The following RIMS1 variants were observed in gnomAD, a reference collection of about 807,000 sequenced individuals.
RIMS1 encodes the protein regulating synaptic membrane exocytosis protein 1.
A neutral mutation model predicts 214.1 loss-of-function variants in RIMS1; 83 were observed. That is an observed-to-expected ratio of 0.39 (90% confidence interval 0.32 to 0.47). RIMS1 has a LOEUF of 0.47. RIMS1 is among the 20% of genes least tolerant of loss of function. RIMS1 has a pLI of 0.99. For missense variants in RIMS1, 2,050 were observed against 2,161.8 expected (o/e 0.95, Z 1.03); for synonymous variants, 793 against 786.8 (o/e 1.01, Z -0.13).
At chr6:72,321,135 TTTCCTTATAATTA>T (rs2096136286) in intron 28 of RIMS1, among the ~76,000 whole-genome samples, 1 of 152,110 alleles carries the variant, frequency 6.6e-6, no homozygotes, top group African/African-American at 2.4e-5. Flanking sequence ...ATATATGCTA[TTTCCTTATAATTA>T]GTGGAAATAT....
intron 19 of RIMS1, chr6:72,262,474 G>A (rs1336757699): frequency 9.1e-6 from 9 of 985,166 alleles, no homozygotes; most frequent in Non-Finnish European, 1.1e-5. Context: ...AGCTGAGCTA[G>A]CCAAATGTGT....
chr6:71,934,050 T>A (rs2150939144), intron 1 of RIMS1, among the ~76,000 whole-genome samples: 1 of 152,308 alleles, frequency 6.6e-6, no homozygotes, highest in African/African-American at 2.4e-5. Flanking sequence ...CAAGTTTCCA[T>A]GGCAGTACAG....
intron 4 of RIMS1, among the ~76,000 whole-genome samples, chr6:72,124,949 G>A (rs572742596): frequency 6.6e-6 from 1 of 152,262 alleles, no homozygotes; most frequent in African/African-American, 2.4e-5. Flanking sequence ...GAAGAAGTTT[G>A]TTATTGTCGA....
At chr6:72,218,739 G>C (rs1014465415) in intron 6 of RIMS1, among the ~76,000 whole-genome samples, 34 of 152,272 alleles carry the variant, frequency 2.2e-4, no homozygotes, top group African/African-American at 7.9e-4. Flanking sequence ...CATGTTCCCA[G>C]ATATATGTAC....
intron 9 of RIMS1, 38 bp from the exon 10 acceptor site, chr6:72,242,276 A>T: frequency 7.0e-7 from 1 of 1,435,250 alleles, no homozygotes; most frequent in South Asian, 1.3e-5. Flanking sequence ...TAAACAGAAT[A>T]TATAAGGTAA....
chr6:72,234,121 T>C (rs1172232197), intron 7 of RIMS1, among the ~76,000 whole-genome samples: 1 of 152,008 alleles, frequency 6.6e-6, no homozygotes, highest in Non-Finnish European at 1.5e-5. Flanking sequence ...ATCAGTTTTT[T>C]TATGTAAGCA....
intron 23 of RIMS1, among the ~76,000 whole-genome samples, chr6:72,278,675 A>C (rs985938250): frequency 6.6e-6 from 1 of 152,106 alleles, no homozygotes. Context: ...CTTTGAATGA[A>C]CAAAGTGTAT....
At chr6:72,352,137 A>G (rs1009080180) in intron 29 of RIMS1, among the ~76,000 whole-genome samples, 4 of 152,214 alleles carry the variant, frequency 2.6e-5, no homozygotes, top group Non-Finnish European at 5.9e-5. Flanking sequence ...CTGTACAACC[A>G]TGCCAGCTTC....
chr6:72,283,874 TTTTA>T (rs1206694224), intron 23 of RIMS1, among the ~76,000 whole-genome samples, 169 bp from the exon 24 acceptor site: 1 of 152,194 alleles, frequency 6.6e-6, no homozygotes, highest in African/African-American at 2.4e-5. Flanking sequence ...CTGGTTTTCA[TTTTA>T]TTCATTCATT....
At chr6:72,180,435 G>A (rs2496504) in intron 5 of RIMS1, among the ~76,000 whole-genome samples, 69,532 of 152,024 alleles carry the variant, frequency 0.46, 17,350 homozygotes, top group East Asian at 0.82. Flanking sequence ...CAACGTGAGG[G>A]CCTCCTAAAG....
chr6:72,310,294 A>G (rs1423107543), intron 27 of RIMS1, among the ~76,000 whole-genome samples: 1 of 152,108 alleles, frequency 6.6e-6, no homozygotes, highest in African/African-American at 2.4e-5. Flanking sequence ...GTCTTTTAGA[A>G]GACTAAATGA....
chr6:71,907,414 A>G (rs1775571606), intron 1 of RIMS1, among the ~76,000 whole-genome samples: 1 of 152,186 alleles, frequency 6.6e-6, no homozygotes, highest in Non-Finnish European at 1.5e-5. Context: ...CCCTTAATCA[A>G]TGGCATTCCT....
At chr6:72,036,410 A>G (rs1225188946) in intron 2 of RIMS1, among the ~76,000 whole-genome samples, 2 of 152,148 alleles carry the variant, frequency 1.3e-5, no homozygotes, top group African/African-American at 4.8e-5. Context: ...GCATCCCTGC[A>G]CTTATCTATT....
intron 31 of RIMS1, 53 bp from the exon 32 acceptor site, chr6:72,398,196 C>T: frequency 1.8e-6 from 2 of 1,133,796 alleles, no homozygotes; most frequent in Non-Finnish European, 2.6e-6. Context: ...TTTGTTTTAA[C>T]TGCACATAAC....
chr6:71,998,191 G>C (rs952143511), intron 2 of RIMS1, among the ~76,000 whole-genome samples: 3 of 152,052 alleles, frequency 2.0e-5, no homozygotes, highest in Non-Finnish European at 4.4e-5. Flanking sequence ...ACTTTATGTG[G>C]ATTTTCAATA....
At chr6:72,125,228 C>T (rs2039262555) in intron 4 of RIMS1, among the ~76,000 whole-genome samples, 4 of 152,194 alleles carry the variant, frequency 2.6e-5, no homozygotes, top group Admixed American at 2.0e-4. Context: ...TTCCTTCTAA[C>T]AGTTGGGACC....
intron 5 of RIMS1, among the ~76,000 whole-genome samples, chr6:72,181,173 A>T (rs972653308): frequency 6.6e-6 from 1 of 152,216 alleles, no homozygotes; most frequent in Non-Finnish European, 1.5e-5. Flanking sequence ...ATTTGATCAA[A>T]GCTAGGCAAT....
chr6:72,134,772 ATAAT>A lies in RIMS1; in HGVS notation c.471+34790_471+34793del, dbSNP rs373555335. Among the ~76,000 whole-genome samples the A allele has an allele frequency of 3.3e-5, 5 of 152,256 alleles. No homozygotes were observed. The East Asian group carries it at 5.8e-4, about 18-fold the overall frequency. On this transcript the variant is annotated intron_variant, in intron 4 of 33. Transcript: ENST00000521978. ...ATAAAATTTGATCACTTAGTTTTCA[ATAAT>A]TAAGTTCTAAAAAAGAAATAAAAAT...
intron 4 of RIMS1, among the ~76,000 whole-genome samples, chr6:72,176,452 CTT>C (rs1050850693): frequency 1.3e-5 from 2 of 152,018 alleles, no homozygotes; most frequent in Admixed American, 6.6e-5. Context: ...CTATTGTAAT[CTT>C]ATATATTTTT....
Sources: allele counts gnomAD v4.1 joint callset (sites outside exome capture counted in the v4.1 genomes callset), GRCh38; gene constraint gnomAD v4.1.1; transcripts MANE v1.5; gene names NCBI Gene and HGNC (gene_info 2026-07-23, HGNC 2026-07-21).